The following AJAP1 variants were observed in gnomAD, a reference collection of about 807,000 sequenced individuals.
AJAP1 encodes the protein adherens junction-associated protein 1.
A neutral mutation model predicts 35.0 loss-of-function variants in AJAP1; 5 were observed. That is an observed-to-expected ratio of 0.14 (90% CI 0.07 to 0.30). AJAP1 has a LOEUF of 0.30. AJAP1 is among the 10% of genes least tolerant of loss of function. The probability of loss-of-function intolerance (pLI) is 1.00; values close to 1 mark genes in which losing one functional copy is unlikely to be tolerated. For missense variants in AJAP1, 586 were observed against 571.0 expected (o/e 1.03, Z -0.27); for synonymous variants, 284 against 249.3 (o/e 1.14, Z -1.31).
rs577605426 is a variant in AJAP1, at chr1:4,758,375, T to C, written c.830-11478T>C. Among the ~76,000 whole-genome samples, 80 of 152,252 alleles carry C rather than the reference T, an allele frequency of 5.3e-4. 1 individual carries two copies. Among genetic ancestry groups the C allele is most frequent in the Non-Finnish European group, 1.3e-4 (9 of 68,018 alleles). On this transcript the variant is annotated intron_variant, in intron 2 of 5. Coordinates refer to ENST00000378191, the MANE Select transcript of AJAP1 (RefSeq NM_018836.4). ...GAAATACCCGAGACTGGGTAATTTA[T>C]AAAGAAAAGAGGTTTCATCAACTCA...
At chr1:4,732,416 G>C (rs2100300653) in intron 2 of AJAP1, among the ~76,000 whole-genome samples, 1 of 152,386 alleles carries the variant, frequency 6.6e-6, no homozygotes, top group Middle Eastern at 3.4e-3. Flanking sequence ...GTGGCTGCTG[G>C]AGAGGGGACC....
At chr1:4,677,323 C>T (rs11588881) in intron 1 of AJAP1, among the ~76,000 whole-genome samples, 17,860 of 152,168 alleles carry the variant, frequency 0.12, 1,430 homozygotes, top group Non-Finnish European at 0.18. Context: ...TGCAAGTTCT[C>T]GCTTTGTAGG....
chr1:4,714,592 T>C (rs1640346013), intron 2 of AJAP1, among the ~76,000 whole-genome samples: 1 of 152,246 alleles, frequency 6.6e-6, no homozygotes, highest in African/African-American at 2.4e-5. Flanking sequence ...ATGTTGCTAA[T>C]CCATCTCGAC....
chr1:4,776,267 G>A (rs748282510), intron 5 of AJAP1, among the ~76,000 whole-genome samples: 7 of 152,168 alleles, frequency 4.6e-5, no homozygotes, highest in Non-Finnish European at 8.8e-5. Context: ...CTTGGCCGAG[G>A]TCAGCTCCCT....
chr1:4,728,178 G>C (rs147898153), intron 2 of AJAP1, among the ~76,000 whole-genome samples: 1 of 152,358 alleles, frequency 6.6e-6, no homozygotes, highest in Non-Finnish European at 1.5e-5. Flanking sequence ...GCGAGGGTCT[G>C]TGGGTGATGG....
chr1:4,776,707 C>T (rs1641947345), intron 5 of AJAP1, among the ~76,000 whole-genome samples: 1 of 152,194 alleles, frequency 6.6e-6, no homozygotes, highest in Non-Finnish European at 1.5e-5. Flanking sequence ...GTGCTGCAGC[C>T]CCAGGCAAAG....
chr1:4,779,745 A>C (rs1642024048), intron 5 of AJAP1, among the ~76,000 whole-genome samples: 1 of 152,112 alleles, frequency 6.6e-6, no homozygotes. Flanking sequence ...GTCCCAGGAC[A>C]CCGGGACCCA....
intron 2 of AJAP1, among the ~76,000 whole-genome samples, chr1:4,758,329 C>T (rs1331728912): frequency 6.6e-6 from 1 of 152,116 alleles, no homozygotes; most frequent in Non-Finnish European, 1.5e-5. Context: ...GTGCATTAGT[C>T]CATTCTCACA....
chr1:4,690,205 A>AC (rs1167955166), intron 1 of AJAP1, among the ~76,000 whole-genome samples: 3 of 152,162 alleles, frequency 2.0e-5, no homozygotes, highest in African/African-American at 7.2e-5. Flanking sequence ...GCCCATCCAG[A>AC]CCCTCCAGGA....
At chr1:4,733,541 A>G (rs1640849090) in intron 2 of AJAP1, among the ~76,000 whole-genome samples, 4 of 151,090 alleles carry the variant, frequency 2.6e-5, no homozygotes, top group African/African-American at 9.8e-5. Context: ...CTCACATGGC[A>G]TGCAGTCCAG....
chr1:4,755,413 A>G (rs893908400), intron 2 of AJAP1, among the ~76,000 whole-genome samples: 3 of 151,888 alleles, frequency 2.0e-5, no homozygotes, highest in Admixed American at 1.3e-4. Flanking sequence ...ACAAGGGGAT[A>G]ACCGTCTCCC....
At position 4,787,421 on chromosome 1, in the gene AJAP1, C is replaced by T. The variant is rs1642177255; in HGVS notation, c.*4936C>T. 1 of 297,504 alleles carries T rather than the reference C, an allele frequency of 3.4e-6. No homozygotes were observed. Among genetic ancestry groups the T allele is most frequent in the Non-Finnish European group, 6.7e-6 (1 of 149,832 alleles). 18.4% of individuals were successfully genotyped at this position (297,504 alleles called of 1,614,324 possible). ...GTCTCCTCCTCCTGCGACCCATCAC[C>T]TACTGGAAAATTACCACTTGCTGCT... On this transcript the variant is annotated 3_prime_UTR_variant, in exon 6 of 6. Coordinates refer to ENST00000378191, the MANE Select transcript of AJAP1 (RefSeq NM_018836.4).
chr1:4,723,084 C>T lies in AJAP1; in HGVS notation c.829+10385C>T, dbSNP rs1192297009. ...CGTGATAACTTGTAGAGAGGTGGGA[C>T]GCGAGCCCCAAGAGAGCATCGGCTG... On this transcript the variant is annotated intron_variant, in intron 2 of 5. Transcript: ENST00000378191. This position sits in a 1 kb window ranked among gnomAD's most constrained non-coding sequence, Gnocchi z 4.3. Among the ~76,000 whole-genome samples, 7 of 152,186 alleles carry T rather than the reference C, an allele frequency of 4.6e-5. No individual in the cohort carries two copies. Among genetic ancestry groups the T allele is most frequent in the Non-Finnish European group, 7.4e-5 (5 of 68,004 alleles).
intron 2 of AJAP1, among the ~76,000 whole-genome samples, chr1:4,724,271 G>A (rs547384821): frequency 6.6e-4 from 101 of 152,242 alleles, no homozygotes; most frequent in Middle Eastern, 3.4e-3. Context: ...GCACTTGAGC[G>A]AGGTCTGACA....
chr1:4,733,038 G>A (rs1179304919), intron 2 of AJAP1, among the ~76,000 whole-genome samples: 1 of 152,142 alleles, frequency 6.6e-6, no homozygotes. Context: ...AATCTGTTTG[G>A]ATTGAGAAAA....
At chr1:4,747,928 G>A (rs1355601580) in intron 2 of AJAP1, among the ~76,000 whole-genome samples, 1 of 150,534 alleles carries the variant, frequency 6.6e-6, no homozygotes, top group Admixed American at 6.6e-5. Flanking sequence ...GGAGGCCAAG[G>A]TTTCAGTGAG....
chr1:4,742,199 C>T (rs1049851622), intron 2 of AJAP1, among the ~76,000 whole-genome samples: 4 of 150,374 alleles, frequency 2.7e-5, no homozygotes, highest in Non-Finnish European at 6.0e-5. Context: ...CCTGAAGATC[C>T]TTTGCAGGCA....
At chr1:4,704,941 T>G (rs1268598436) in intron 1 of AJAP1, among the ~76,000 whole-genome samples, 1 of 152,264 alleles carries the variant, frequency 6.6e-6, no homozygotes, top group Non-Finnish European at 1.5e-5. Flanking sequence ...GTTTTTTGGC[T>G]GCATAGATGT....
intron 1 of AJAP1, among the ~76,000 whole-genome samples, chr1:4,706,486 C>T (rs1640103147): frequency 6.6e-6 from 1 of 152,186 alleles, no homozygotes; most frequent in Non-Finnish European, 1.5e-5. Flanking sequence ...AACGACAGGA[C>T]CTGGAGGAGT....
Sources: gnomAD v4.1 joint callset for allele counts (sites outside exome capture counted in the v4.1 genomes callset) on GRCh38, gnomAD v4.1.1 for gene constraint, Gnocchi (gnomAD v3.1) non-coding constraint, MANE v1.5 for transcripts, NCBI Gene and HGNC (gene_info 2026-07-23, HGNC 2026-07-21) for gene names.